FKBP1B: variants seen among roughly 807,000 people sequenced by gnomAD.
FKBP1B encodes the protein peptidyl-prolyl cis-trans isomerase FKBP1B.
In FKBP1B, 4 loss-of-function variants were observed where a neutral mutation model predicts 13.5. The ratio of observed to expected loss-of-function variants is 0.30; its 90% confidence interval spans 0.15 to 0.68. The LOEUF (loss-of-function observed/expected upper bound fraction) is 0.68. Among genes scored for constraint, FKBP1B ranks in the 30% least tolerant of loss-of-function variants. The probability of loss-of-function intolerance (pLI) is 0.76; values close to 1 mark genes in which losing one functional copy is unlikely to be tolerated. For synonymous variants in FKBP1B, 54 were observed against 53.6 expected (o/e 1.01, Z -0.03); for missense variants, 93 against 136.2 (o/e 0.68, Z 1.58).
chr2:24,059,586 A>C (rs901047720), intron 2 of FKBP1B, among the ~76,000 whole-genome samples: 2 of 152,134 alleles, frequency 1.3e-5, no homozygotes, highest in Admixed American at 6.5e-5. Context: ...AGGTGGAGGA[A>C]GTGGCATAAA....
chr2:24,049,053 T>C (rs943362633), upstream of FKBP1B, among the ~76,000 whole-genome samples: 8 of 152,130 alleles, frequency 5.3e-5, no homozygotes, highest in African/African-American at 1.9e-4. Flanking sequence ...CCAGCTCTGC[T>C]CCTACAGATC....
intron 1 of FKBP1B, among the ~76,000 whole-genome samples, chr2:24,053,152 C>G (rs1173733485): frequency 6.6e-6 from 1 of 151,986 alleles, no homozygotes; most frequent in Non-Finnish European, 1.5e-5. Context: ...TGCTCTGTCA[C>G]CCAGGGTAGA....
intron 3 of FKBP1B, among the ~76,000 whole-genome samples, chr2:24,062,234 A>T (rs1030101146): frequency 6.6e-6 from 1 of 151,930 alleles, no homozygotes; most frequent in Middle Eastern, 3.4e-3. Flanking sequence ...GTGCAGTGGC[A>T]CAATCTCAGC....
rs947750063 is a variant in FKBP1B at position 24,063,276 on chromosome 2, T to G, written c.*84T>G. On this transcript the variant is annotated 3_prime_UTR_variant, in exon 4 of 4. Transcript: ENST00000380986. ...CTGCCACTGGGACGGCTCCTGCTTT[T>G]GGGGCTCTTGATCAGTGTGCTAACC... The G allele has an allele frequency of 6.7e-6, 9 of 1,352,068 alleles. No homozygotes were observed. Among genetic ancestry groups the G allele is most frequent in the Non-Finnish European group, 6.9e-6 (7 of 1,007,796 alleles). The allele number at this position is 1,352,068 out of a possible 1,614,324, so 83.8% of individuals were successfully genotyped here.
the FKBP1B span, chr2:24,037,996 T>C: frequency 1.2e-6 from 2 of 1,614,200 alleles, no homozygotes; most frequent in South Asian, 2.2e-5. Context: ...CAGAGGACTC[T>C]GGATTTCTTT....
At chr2:24,059,374 G>GA (rs1553320925) in intron 2 of FKBP1B, among the ~76,000 whole-genome samples, 9 of 146,036 alleles carry the variant, frequency 6.2e-5, no homozygotes, top group East Asian at 1.9e-4. Context: ...CCAGCACCTG[G>GA]GGGGGGGTTC....
Position 24,063,205 on chromosome 2 carries a change from A to G in FKBP1B, c.*13A>G, listed in dbSNP as rs755147437. The G allele has an allele frequency of 6.4e-7, 1 of 1,569,972 alleles. No homozygotes were observed. Among genetic ancestry groups the G allele is most frequent in the South Asian group, 1.2e-5 (1 of 83,534 alleles). Reference sequence around the variant, plus strand: ...CAACTTAGAGTGAAGGCAGGAAGGAACTCAAGGTGGCTGGAGATGGCTGCT... The same window carrying G: ...CAACTTAGAGTGAAGGCAGGAAGGAGCTCAAGGTGGCTGGAGATGGCTGCT... On this transcript the variant is annotated 3_prime_UTR_variant, in exon 4 of 4. Transcript: ENST00000380986.
chr2:24,036,065 AAAATAAATAAAT>A, the FKBP1B span, among the ~76,000 whole-genome samples: 50 of 140,404 alleles, frequency 3.6e-4, no homozygotes, highest in African/African-American at 6.2e-4. Flanking sequence ...CTCCGTCTCA[AAAATAAATAAAT>A]AAATAAATAA....
At chr2:24,033,537 T>G in the FKBP1B span, among the ~76,000 whole-genome samples, 1 of 152,122 alleles carries the variant, frequency 6.6e-6, no homozygotes, top group Admixed American at 6.6e-5. Context: ...GCCCAGGAGT[T>G]CAAGACCAGC....
the FKBP1B span, among the ~76,000 whole-genome samples, chr2:24,044,110 G>A: frequency 6.6e-6 from 1 of 152,196 alleles, no homozygotes; most frequent in Middle Eastern, 3.4e-3. Flanking sequence ...ACACTTTCAT[G>A]GGCAGAGAAA....
the FKBP1B span, chr2:24,038,778 G>A: frequency 1.2e-6 from 2 of 1,614,174 alleles, no homozygotes; most frequent in Non-Finnish European, 1.7e-6. Context: ...TGTTAGGTGG[G>A]ATATTAAAGG....
At chr2:24,033,677 G>A in the FKBP1B span, among the ~76,000 whole-genome samples, 13 of 152,202 alleles carry the variant, frequency 8.5e-5, no homozygotes, top group Non-Finnish European at 1.6e-4. Context: ...GGAGGCAAAG[G>A]TTGCAGTGAG....
chr2:24,050,089 T>C lies in FKBP1B; in HGVS notation c.37+203T>C, dbSNP rs1663792636. On this transcript the variant is annotated intron_variant, in intron 1 of 3. Coordinates refer to ENST00000380986, the MANE Select transcript of FKBP1B (RefSeq NM_004116.5). The surrounding 1 kb of genome is among the most constrained non-coding windows in gnomAD (Gnocchi z 5.8). ...CCTCTTCCGCGCTCACCTAGGGGAA[T>C]GTAGGCGGCAGCTCGGAGGCGGGGG... Among the ~76,000 whole-genome samples, 1 of 151,424 alleles carries C rather than the reference T, an allele frequency of 6.6e-6. No homozygotes were observed. Among genetic ancestry groups the C allele is most frequent in the African/African-American group, 2.4e-5 (1 of 41,172 alleles).
the FKBP1B span, among the ~76,000 whole-genome samples, chr2:24,036,057 C>A: frequency 8.3e-6 from 1 of 120,396 alleles, no homozygotes; most frequent in Admixed American, 7.9e-5. Flanking sequence ...GACAGAGACT[C>A]CGTCTCAAAA....
the FKBP1B span, among the ~76,000 whole-genome samples, chr2:24,036,055 C>G: frequency 7.2e-6 from 1 of 139,590 alleles, no homozygotes. Context: ...GTGACAGAGA[C>G]TCCGTCTCAA....
In FKBP1B at chr2:24,060,916, G is replaced by T; in HGVS notation, c.188G>T (p.Gly63Val). 6.2e-7 allele frequency: 1 copy of T among 1,613,604 alleles called. No individual in the cohort carries two copies. The highest frequency in any genetic ancestry group is 8.5e-7 in the Non-Finnish European group (1 of 1,179,482). The change falls in exon 3 of 4, where the codon GGT becomes GTT. Residue 63 changes from glycine to valine, a missense_variant. Coordinates refer to ENST00000380986, the MANE Select transcript of FKBP1B (RefSeq NM_004116.5). ...KQEVIKGFEE[G>V]AAQMSLGQRA... is the part of the protein sequence containing the mutation. Reference sequence around the variant, plus strand: ...GAAGTCATCAAAGGTTTTGAAGAGGGTGCAGCCCAGGTAGGATGAGGATTC... The same window carrying T: ...GAAGTCATCAAAGGTTTTGAAGAGGTTGCAGCCCAGGTAGGATGAGGATTC...
At chr2:24,034,513 C>T in the FKBP1B span, among the ~76,000 whole-genome samples, 2 of 151,598 alleles carry the variant, frequency 1.3e-5, no homozygotes, top group Non-Finnish European at 2.9e-5. Flanking sequence ...CTACTGACAA[C>T]AGCTTGGTTG....
the FKBP1B span, chr2:24,039,270 A>T: frequency 6.2e-7 from 1 of 1,614,212 alleles, no homozygotes. Flanking sequence ...CAGCGAGTAG[A>T]ACAGGTGTAT....
the FKBP1B span, among the ~76,000 whole-genome samples, chr2:24,042,805 G>A: frequency 2.0e-5 from 3 of 152,004 alleles, no homozygotes; most frequent in African/African-American, 4.8e-5. Flanking sequence ...GGCCGAGGCG[G>A]GCAGATCACC....
Sources: allele counts gnomAD v4.1 joint callset (sites outside exome capture counted in the v4.1 genomes callset), GRCh38; gene constraint gnomAD v4.1.1; non-coding constraint Gnocchi (gnomAD v3.1); transcripts MANE v1.5; gene names NCBI Gene and HGNC (gene_info 2026-07-23, HGNC 2026-07-21).